Variants in IMMP2L observed in about 807,000 individuals in gnomAD.
The protein encoded by IMMP2L is inner mitochondrial membrane peptidase subunit 2.
IMMP2L carries 18 observed loss-of-function variants against 19.3 expected under a neutral mutation model. That is an observed-to-expected ratio of 0.93 (90% confidence interval 0.64 to 1.38). IMMP2L has a LOEUF of 1.38. Among genes scored for constraint, IMMP2L ranks in the 40% most tolerant of loss-of-function variants. The probability of loss-of-function intolerance (pLI) is 0.00; values close to 1 mark genes in which losing one functional copy is unlikely to be tolerated. For missense variants in IMMP2L, 233 were observed against 218.2 expected (o/e 1.07, Z -0.43); for synonymous variants, 76 against 73.0 (o/e 1.04, Z -0.21).
At chr7:110,735,109 C>T (rs13229388) in intron 5 of IMMP2L, among the ~76,000 whole-genome samples, 9 of 152,108 alleles carry the variant, frequency 5.9e-5, no homozygotes, top group East Asian at 1.9e-4. Flanking sequence ...TGGAAATAAC[C>T]GACATGCCTG....
chr7:110,867,732 A>G (rs1263111643), intron 5 of IMMP2L, among the ~76,000 whole-genome samples: 1 of 151,992 alleles, frequency 6.6e-6, no homozygotes, highest in African/African-American at 2.4e-5. Context: ...GCAGCTGCCA[A>G]TCCAGCTCCT....
At chr7:111,470,676 A>C (rs1268118843) in intron 3 of IMMP2L, among the ~76,000 whole-genome samples, 1 of 138,732 alleles carries the variant, frequency 7.2e-6, no homozygotes, top group Non-Finnish European at 1.5e-5. Flanking sequence ...TTGAACAATG[A>C]GAACACATGG....
At chr7:110,853,969 C>T (rs1489119668) in intron 5 of IMMP2L, among the ~76,000 whole-genome samples, 1 of 151,882 alleles carries the variant, frequency 6.6e-6, no homozygotes. Context: ...CACATAAATG[C>T]TGTTCTCAAT....
At chr7:111,402,991 A>ACCCCCCCCCCCCCCCCCCCCCCCCCCCCC (rs781654530) in intron 3 of IMMP2L, among the ~76,000 whole-genome samples, 4 of 45,556 alleles carry the variant, frequency 8.8e-5, no homozygotes, top group African/African-American at 2.2e-4. Context: ...TGCAGCCTTG[A>ACCCCCCCCCCCCCCCCCCCCCCCCCCCCC]CCCCCCCCCC....
At chr7:110,895,151 A>G (rs924396499) in intron 4 of IMMP2L, among the ~76,000 whole-genome samples, 4 of 152,178 alleles carry the variant, frequency 2.6e-5, no homozygotes, top group Admixed American at 2.0e-4. Context: ...AAGAGAAGAG[A>G]GCTTTTGCAG....
At chr7:110,940,965 A>G (rs1364886278) in intron 4 of IMMP2L, among the ~76,000 whole-genome samples, 1 of 152,166 alleles carries the variant, frequency 6.6e-6, no homozygotes, top group Non-Finnish European at 1.5e-5. Context: ...CAGCCTGATA[A>G]AATTCTTAGG....
At chr7:111,291,512 G>A (rs1821103588) in intron 3 of IMMP2L, among the ~76,000 whole-genome samples, 1 of 152,136 alleles carries the variant, frequency 6.6e-6, no homozygotes, top group African/African-American at 2.4e-5. Flanking sequence ...CCTGGTATAA[G>A]GAGTAATGTA....
At chr7:110,752,715 C>T (rs2130926383) in intron 5 of IMMP2L, among the ~76,000 whole-genome samples, 1 of 152,048 alleles carries the variant, frequency 6.6e-6, no homozygotes, top group South Asian at 2.1e-4. Flanking sequence ...AGAAGAAACC[C>T]CCAAACTCTG....
At chr7:110,874,520 T>C (rs1808867176) in intron 5 of IMMP2L, among the ~76,000 whole-genome samples, 1 of 152,062 alleles carries the variant, frequency 6.6e-6, no homozygotes. Flanking sequence ...TATAATATTA[T>C]TATACCAAAC....
chr7:111,085,660 C>T lies in IMMP2L; in HGVS notation c.240-122095G>A, dbSNP rs116619904. 4.0e-3 allele frequency among the ~76,000 whole-genome samples: 615 copies of T among 152,122 alleles called. 6 individuals are homozygous for T. Among genetic ancestry groups the T allele is most frequent in the African/African-American group, 0.013 (557 of 41,486 alleles). Reference sequence around the variant, plus strand: ...GAAGTGTCTGTTCATATCCTTTGACCGCTTTTTATAAAGACACATGCACAT... The same window carrying T: ...GAAGTGTCTGTTCATATCCTTTGACTGCTTTTTATAAAGACACATGCACAT... On this transcript the variant is annotated intron_variant, in intron 3 of 5. Coordinates refer to ENST00000405709, the MANE Select transcript of IMMP2L (RefSeq NM_032549.4).
chr7:111,531,400 G>A (rs981308217), intron 1 of IMMP2L, among the ~76,000 whole-genome samples: 3 of 151,704 alleles, frequency 2.0e-5, no homozygotes, highest in Admixed American at 6.6e-5. Context: ...AACTGGCTCA[G>A]GCCATCCTAA....
chr7:110,809,555 CTA>C (rs1801880904), intron 5 of IMMP2L, among the ~76,000 whole-genome samples: 2 of 151,924 alleles, frequency 1.3e-5, no homozygotes, highest in South Asian at 4.1e-4. Flanking sequence ...ACCTAAAAGA[CTA>C]TGTTACATAC....
At chr7:110,868,247 T>C (rs1434027925) in intron 5 of IMMP2L, among the ~76,000 whole-genome samples, 1 of 151,888 alleles carries the variant, frequency 6.6e-6, no homozygotes. Flanking sequence ...GTGTATATTA[T>C]TTTGACTAAG....
At chr7:111,496,033 A>G (rs1443948588) in intron 2 of IMMP2L, among the ~76,000 whole-genome samples, 1 of 152,198 alleles carries the variant, frequency 6.6e-6, no homozygotes, top group East Asian at 1.9e-4. Context: ...ATAACAGAAG[A>G]AACTGAAATA....
intron 4 of IMMP2L, among the ~76,000 whole-genome samples, chr7:110,900,705 C>A (rs1009451682): frequency 1.3e-5 from 2 of 152,178 alleles, no homozygotes; most frequent in Non-Finnish European, 2.9e-5. Context: ...GTGCTTCTGT[C>A]CATTTTACGA....
At chr7:110,671,015 T>C (rs1791883681) in intron 5 of IMMP2L, among the ~76,000 whole-genome samples, 1 of 152,194 alleles carries the variant, frequency 6.6e-6, no homozygotes. Flanking sequence ...AAAGTTACTT[T>C]TACAGTAAAT....
chr7:111,259,837 T>G (rs186261721), intron 3 of IMMP2L, among the ~76,000 whole-genome samples: 1 of 152,292 alleles, frequency 6.6e-6, no homozygotes, highest in Admixed American at 6.5e-5. Flanking sequence ...ATTTTCTTTT[T>G]TAAAAAATGT....
chr7:111,406,852 G>A (rs1456789975), intron 3 of IMMP2L, among the ~76,000 whole-genome samples: 1 of 152,040 alleles, frequency 6.6e-6, no homozygotes, highest in African/African-American at 2.4e-5. Context: ...ACATCTGAAA[G>A]GGAGTGAAGG....
rs2396287 is a variant in IMMP2L, at chr7:110,870,570, G to A, written c.408+16023C>T. Among the ~76,000 whole-genome samples, 50,443 of 152,028 alleles carry A rather than the reference G, an allele frequency of 0.33. 10,160 individuals carry two copies. The highest frequency in any genetic ancestry group is 0.64 in the East Asian group (3,286 of 5,152). On this transcript the variant is annotated intron_variant, in intron 5 of 5. Transcript: ENST00000405709. The surrounding 1 kb of genome is among the most constrained non-coding windows in gnomAD (Gnocchi z 4.2). ...TGTGTGAGTGTGTGTGTGTGCACGC[G>A]CATGTGTGCGTGTGTTCCATTTTGT...
Sources: allele counts gnomAD v4.1 joint callset (sites outside exome capture counted in the v4.1 genomes callset), GRCh38; gene constraint gnomAD v4.1.1; non-coding constraint Gnocchi (gnomAD v3.1); transcripts MANE v1.5; gene names NCBI Gene and HGNC (gene_info 2026-07-23, HGNC 2026-07-21).